The following ACACB variants were observed in gnomAD, a reference collection of about 807,000 sequenced individuals.
The protein encoded by ACACB is acetyl-CoA carboxylase 2.
In ACACB, 209 loss-of-function variants were observed where a neutral mutation model predicts 278.8. That is an observed-to-expected ratio of 0.75 (90% CI 0.67 to 0.84). The LOEUF (loss-of-function observed/expected upper bound fraction) is 0.84. ACACB is among the 40% of genes least tolerant of loss of function. The pLI is 0.00. For synonymous variants in ACACB, 1,174 were observed against 1,285.6 expected (o/e 0.91, Z 1.86); for missense variants, 2,850 against 3,269.0 (o/e 0.87, Z 3.13).
At position 109,247,756 on chromosome 12, in the gene ACACB, G is replaced by A. The variant is rs1160652702; in HGVS notation, c.5669+53G>A. 8 of 1,422,544 alleles carry A rather than the reference G, an allele frequency of 5.6e-6. No individual in the cohort carries two copies. The Admixed American group carries it at 1.2e-4, about 21-fold the overall frequency. The allele number at this position is 1,422,544 out of a possible 1,614,324, so 88.1% of individuals were successfully genotyped here. A position where few individuals can be genotyped will look rare whatever the true frequency, so the allele number is the denominator to read the frequency against. ...ATTTTGCTCATGGTTAATTTCAGCT[G>A]TCTTCTTTCCTCGGGGCTTGTGGCG... On this transcript the variant is annotated intron_variant, in intron 40 of 52. Transcript: ENST00000338432.
intron 18 of ACACB, among the ~76,000 whole-genome samples, chr12:109,201,235 A>T (rs1018223531): frequency 6.6e-6 from 1 of 152,258 alleles, no homozygotes; most frequent in Non-Finnish European, 1.5e-5. Context: ...GAACGTGTAT[A>T]TGAACCACTC....
In ACACB at chr12:109,190,787, T is replaced by C. The variant is rs111516447; in HGVS notation, c.2145-826T>C. The stretch of plus-strand genomic sequence containing the variant: ...GGACTACAGTCACATACCATCACGC[T>C]TGGCTGATTTTAAAATTTTTGTAGA... On this transcript the variant is annotated intron_variant, in intron 13 of 52. Transcript: ENST00000338432. Among the ~76,000 whole-genome samples the C allele has an allele frequency of 2.5e-3, 381 of 151,822 alleles. 2 individuals carry two copies. Among genetic ancestry groups the C allele is most frequent in the African/African-American group, 8.2e-3 (341 of 41,380 alleles).
intron 28 of ACACB, 152 bp downstream of exon 28, chr12:109,227,641 C>T (rs1249703306): frequency 7.3e-6 from 5 of 683,816 alleles, no homozygotes; most frequent in South Asian, 3.6e-5. Context: ...CTCCCTGCAG[C>T]GCCATTTTCT....
At chr12:109,185,944 T>G (rs2044646100) in intron 12 of ACACB, among the ~76,000 whole-genome samples, 1 of 152,128 alleles carries the variant, frequency 6.6e-6, no homozygotes. Context: ...TATTTTTATT[T>G]TTTTGAGATG....
chr12:109,133,863 ATTTTTT>A (rs67896522), intron 1 of ACACB, among the ~76,000 whole-genome samples: 32 of 70,550 alleles, frequency 4.5e-4, no homozygotes, highest in African/African-American at 2.2e-3. Flanking sequence ...ATATATATAT[ATTTTTT>A]TTTTTTTTTT....
chr12:109,125,294 C>T (rs1208088015), intron 1 of ACACB: 2 of 152,198 alleles, frequency 1.3e-5, no homozygotes, highest in African/African-American at 4.8e-5. Flanking sequence ...TTTGGTAGCC[C>T]ATGCCCCTGG....
chr12:109,223,678 C>T, intron 26 of ACACB, 137 bp from the exon 27 acceptor site: 1 of 780,988 alleles, frequency 1.3e-6, no homozygotes, highest in Non-Finnish European at 2.2e-6. Context: ...GGGGAGATCG[C>T]TTCAGCCTGG....
At position 109,209,930 on chromosome 12, in the gene ACACB, TAC is replaced by T. The variant is rs578176364; in HGVS notation, c.3249+583_3249+584del. Among the ~76,000 whole-genome samples, 286 of 101,348 alleles carry T rather than the reference TAC, an allele frequency of 2.8e-3. 38 individuals are homozygous for T. Among genetic ancestry groups the T allele is most frequent in the East Asian group, 0.014 (43 of 3,128 alleles). The allele number at this position is 101,348 out of a possible 152,430, so 66.5% of individuals were successfully genotyped here. A position where few individuals can be genotyped will look rare whatever the true frequency, so the allele number is the denominator to read the frequency against. On this transcript the variant is annotated intron_variant, in intron 21 of 52. Coordinates refer to ENST00000338432, the MANE Select transcript of ACACB (RefSeq NM_001093.4). The stretch of plus-strand genomic sequence containing the variant: ...ACACACACGTGTGTATATATGTGTA[TAC>T]ACACATACACACACGTGTGTGTATA...
In ACACB at chr12:109,123,897, C is replaced by G. The variant is rs192576262; in HGVS notation, c.-10+7193C>G. On this transcript the variant is annotated intron_variant, in intron 1 of 52. Transcript: ENST00000338432. The stretch of plus-strand genomic sequence containing the variant: ...AGGTAACAGAGTTTGCCATGTTGCT[C>G]GGGCTGGTCTTGAACTCCTGGGCTC... 3.2e-3 allele frequency among the ~76,000 whole-genome samples: 485 copies of G among 151,386 alleles called. 2 individuals are homozygous for G. The highest frequency in any genetic ancestry group is 0.011 in the African/African-American group (444 of 41,262).
At chr12:109,183,142 G>T (rs1443415303) in intron 11 of ACACB, among the ~76,000 whole-genome samples, 2 of 152,098 alleles carry the variant, frequency 1.3e-5, no homozygotes, top group African/African-American at 4.8e-5. Flanking sequence ...TGATCTATGT[G>T]TTTGTTTTTA....
intron 13 of ACACB, 43 bp from the exon 14 acceptor site, chr12:109,191,570 A>G (rs749627160): frequency 1.9e-6 from 3 of 1,610,552 alleles, no homozygotes; most frequent in South Asian, 1.1e-5. Context: ...CTGTTGATGT[A>G]TGCATGAATT....
chr12:109,179,762 G>T (rs776142230), intron 10 of ACACB, among the ~76,000 whole-genome samples, 155 bp from the exon 11 acceptor site: 1 of 152,138 alleles, frequency 6.6e-6, no homozygotes, highest in African/African-American at 2.4e-5. Flanking sequence ...AAGCGCTAGG[G>T]TGATAGGCAT....
Position 109,199,418 on chromosome 12 carries a change from G to T in ACACB, c.2644G>T (p.Gly882Cys). The change falls in exon 18 of 53, where the codon GGC (glycine) becomes TGC (cysteine). Residue 882 changes from glycine to cysteine, a missense_variant. Gly to Cys is a radical substitution (Grantham distance 159). Transcript: ENST00000338432. ...CTCTCCCAGTTACCGAATTACCATCGGCAATAAGACGTGTGTGTTTGAGAA... is the reference window on the plus strand; with the variant it reads ...CTCTCCCAGTTACCGAATTACCATCTGCAATAAGACGTGTGTGTTTGAGAA... ...EEVDSYRITI[G>C]NKTCVFEKEN... 6.6e-7 allele frequency: 1 copy of T among 1,510,554 alleles called. No homozygotes were observed. The highest frequency in any genetic ancestry group is 2.5e-5 in the East Asian group (1 of 39,264). 93.6% of individuals were successfully genotyped at this position (1,510,554 alleles called of 1,614,324 possible). A position where few individuals can be genotyped will look rare whatever the true frequency, so the allele number is the denominator to read the frequency against.
Position 109,210,050 on chromosome 12 carries a change from TAC to T in ACACB, c.3249+704_3249+705del, listed in dbSNP as rs796366389. Among the ~76,000 whole-genome samples, 77 of 97,758 alleles carry T rather than the reference TAC, an allele frequency of 7.9e-4. 10 individuals are homozygous for T. The highest frequency in any genetic ancestry group is 1.1e-3 in the Admixed American group (11 of 10,428). 64.1% of individuals were successfully genotyped at this position (97,758 alleles called of 152,430 possible). ...GTATATATGTGTATATGTGTATATA[TAC>T]ACACACGTGTGTATATATGTGTATA... On this transcript the variant is annotated intron_variant, in intron 21 of 52. Coordinates refer to ENST00000338432, the MANE Select transcript of ACACB (RefSeq NM_001093.4).
In ACACB at chr12:109,247,805, G is replaced by A. The variant is rs1259541121; in HGVS notation, c.5669+102G>A. On this transcript the variant is annotated intron_variant, in intron 40 of 52. Transcript: ENST00000338432. ...CGATATTTTCCAGTGGGGTGGTGGT[G>A]TTTGTATGATGGGAACCAATGCCTG... The A allele has an allele frequency of 4.2e-6, 4 of 956,336 alleles. No homozygotes were observed. In the South Asian group the frequency reaches 5.7e-5, roughly 14 times the overall value. The allele number at this position is 956,336 out of a possible 1,614,324, so 59.2% of individuals were successfully genotyped here.
intron 18 of ACACB, 83 bp downstream of exon 18, chr12:109,199,635 C>G: frequency 7.8e-7 from 1 of 1,283,878 alleles, no homozygotes; most frequent in African/African-American, 1.5e-5. Flanking sequence ...AACAAACAGG[C>G]CTACCTCTCC....
chr12:109,156,874 C>T (rs1225341786), intron 2 of ACACB, among the ~76,000 whole-genome samples: 1 of 152,070 alleles, frequency 6.6e-6, no homozygotes, highest in Non-Finnish European at 1.5e-5. Flanking sequence ...CAGTAATAGC[C>T]ACTACCACTC....
chr12:109,174,291 G>T lies in ACACB; in HGVS notation c.1216+61G>T, dbSNP rs527437634. 3.4e-4 allele frequency: 459 copies of T among 1,344,292 alleles called. 3 individuals are homozygous for T. In the South Asian group the frequency reaches 5.7e-3, roughly 17 times the overall value. The allele number at this position is 1,344,292 out of a possible 1,614,324, so 83.3% of individuals were successfully genotyped here. On this transcript the variant is annotated intron_variant, in intron 7 of 52. Transcript: ENST00000338432. ...TCAGCCCAGTCTTGATAATGTGAACGGTCAGGGTGACAGAAGTATGCTTGT... is the reference window on the plus strand; with the variant it reads ...TCAGCCCAGTCTTGATAATGTGAACTGTCAGGGTGACAGAAGTATGCTTGT...
chr12:109,150,721 C>G (rs750051359), intron 2 of ACACB, among the ~76,000 whole-genome samples: 90 of 152,316 alleles, frequency 5.9e-4, no homozygotes, highest in Non-Finnish European at 1.0e-3. Context: ...TGCAGTGCAG[C>G]CTCCCAGCTG....
Sources: allele counts gnomAD v4.1 joint callset (sites outside exome capture counted in the v4.1 genomes callset), GRCh38; gene constraint gnomAD v4.1.1; transcripts MANE v1.5; gene names NCBI Gene and HGNC (gene_info 2026-07-23, HGNC 2026-07-21).